The following GREM2 variants were observed in gnomAD, a reference collection of about 807,000 sequenced individuals.
GREM2 encodes gremlin 2, DAN family BMP antagonist, also known as gremlin-2.
Under a neutral mutation model 14.2 loss-of-function variants are expected in GREM2, and 11 were observed. The ratio of observed to expected loss-of-function variants is 0.78; its 90% confidence interval spans 0.49 to 1.28. The LOEUF is 1.28. GREM2 is among the 50% of genes most tolerant of loss of function. The pLI, the probability that GREM2 is intolerant of heterozygous loss-of-function variation, is 0.00. For missense variants in GREM2, 210 were observed against 218.5 expected (o/e 0.96, Z 0.24); for synonymous variants, 98 against 97.6 (o/e 1.00, Z -0.02).
chr1:240,533,663 C>A (rs2103317766), intron 1 of GREM2, among the ~76,000 whole-genome samples: 1 of 152,228 alleles, frequency 6.6e-6, no homozygotes, highest in East Asian at 1.9e-4. Context: ...AAGAAAGAAT[C>A]AACAATTGGG....
At chr1:240,535,557 T>C (rs146624140) in intron 1 of GREM2, among the ~76,000 whole-genome samples, 5,237 of 152,230 alleles carry the variant, frequency 0.034, 109 homozygotes, top group Middle Eastern at 0.082. Flanking sequence ...CCCCACATTT[T>C]GGGAGGCCGA....
chr1:240,529,379 CAT>C (rs1293581926), intron 1 of GREM2, among the ~76,000 whole-genome samples: 6 of 149,684 alleles, frequency 4.0e-5, no homozygotes, highest in Non-Finnish European at 8.9e-5. Context: ...TTTGAATGAA[CAT>C]AGAGGATAAC....
chr1:240,529,250 T>TG (rs1678296542), intron 1 of GREM2, among the ~76,000 whole-genome samples: 1 of 150,194 alleles, frequency 6.7e-6, no homozygotes, highest in Non-Finnish European at 1.5e-5. Context: ...TTTTTTTTTT[T>TG]TTTTTTTAGC....
intron 1 of GREM2, among the ~76,000 whole-genome samples, chr1:240,503,886 G>A (rs1230770586): frequency 1.3e-5 from 2 of 152,284 alleles, no homozygotes; most frequent in African/African-American, 2.4e-5. Flanking sequence ...TAAGTAATTG[G>A]AAGAGAGGGG....
intron 1 of GREM2, among the ~76,000 whole-genome samples, chr1:240,571,187 A>G (rs779637548): frequency 4.6e-5 from 7 of 152,206 alleles, no homozygotes; most frequent in Non-Finnish European, 1.0e-4. Flanking sequence ...ATTCAACTTA[A>G]AAAAGAACAT....
intron 1 of GREM2, among the ~76,000 whole-genome samples, chr1:240,514,944 CAACA>C (rs927317464): frequency 4.8e-4 from 66 of 137,742 alleles, no homozygotes; most frequent in African/African-American, 1.4e-3. Flanking sequence ...CTATCTCAAA[CAACA>C]AACAAACAAA....
At chr1:240,575,377 G>T (rs1244844649) in intron 1 of GREM2, among the ~76,000 whole-genome samples, 3 of 151,430 alleles carry the variant, frequency 2.0e-5, no homozygotes, top group Admixed American at 6.6e-5. Flanking sequence ...CAAGAATCAG[G>T]CAAGTAAAGC....
chr1:240,571,485 G>A (rs1679259936), intron 1 of GREM2, among the ~76,000 whole-genome samples: 1 of 152,116 alleles, frequency 6.6e-6, no homozygotes, highest in African/African-American at 2.4e-5. Flanking sequence ...CCTGAGGTCA[G>A]GAGTTCGAGA....
In GREM2 at chr1:240,493,258, C is replaced by T; in HGVS notation, c.218G>A (p.Cys73Tyr). The change falls in exon 2 of 2, where the codon TGC becomes TAC. Residue 73 changes from cysteine (C) to tyrosine (Y), a missense_variant. By Grantham distance (194) the Cys-to-Tyr change is radical. Coordinates refer to ENST00000318160, the MANE Select transcript of GREM2 (RefSeq NM_022469.4). ...TERKYLKSDW[C>Y]KTQPLRQTVS... ...CGTCTGCCGCAGCGGCTGCGTCTTG[C>T]ACCAGTCACTCTTGAGGTACTTGCG... The T allele has an allele frequency of 1.2e-6, 2 of 1,614,080 alleles. No homozygotes were observed. The highest frequency in any genetic ancestry group is 1.7e-6 in the Non-Finnish European group (2 of 1,180,014).
intron 1 of GREM2, among the ~76,000 whole-genome samples, chr1:240,514,662 G>T (rs139316939): frequency 6.6e-6 from 1 of 152,190 alleles, no homozygotes; most frequent in Non-Finnish European, 1.5e-5. Context: ...ACTTCAAGAC[G>T]CCAAGGCAGG....
chr1:240,548,001 C>T (rs953559694), intron 1 of GREM2, among the ~76,000 whole-genome samples: 18 of 152,054 alleles, frequency 1.2e-4, no homozygotes, highest in African/African-American at 4.3e-4. Context: ...GTGGCTCACA[C>T]CTGTAATCCC....
intron 1 of GREM2, among the ~76,000 whole-genome samples, chr1:240,582,701 GC>G (rs1679513978): frequency 6.6e-6 from 1 of 151,654 alleles, no homozygotes; most frequent in East Asian, 2.0e-4. Context: ...GGAGGCTGAG[GC>G]AGGAAAATCG....
intron 1 of GREM2, among the ~76,000 whole-genome samples, chr1:240,557,801 A>G (rs1302200487): frequency 6.6e-6 from 1 of 152,086 alleles, no homozygotes; most frequent in Non-Finnish European, 1.5e-5. Flanking sequence ...CTGCCTGGAG[A>G]GCAACCACCC....
At chr1:240,571,885 A>T (rs1296656307) in intron 1 of GREM2, among the ~76,000 whole-genome samples, 11 of 152,138 alleles carry the variant, frequency 7.2e-5, no homozygotes, top group Non-Finnish European at 1.0e-4. Context: ...AGCACCAAGG[A>T]AATAAAGAAG....
chr1:240,502,843 G>A (rs1012041741), intron 1 of GREM2, among the ~76,000 whole-genome samples: 9 of 152,158 alleles, frequency 5.9e-5, no homozygotes, highest in African/African-American at 2.2e-4. Flanking sequence ...TCTACACACC[G>A]TGGAGTTGAA....
intron 1 of GREM2, among the ~76,000 whole-genome samples, chr1:240,524,926 T>C (rs1405991317): frequency 6.6e-6 from 1 of 152,150 alleles, no homozygotes; most frequent in African/African-American, 2.4e-5. Flanking sequence ...GCCCAGGGGC[T>C]TTGGGGTCAG....
At chr1:240,574,670 G>A (rs1385969844) in intron 1 of GREM2, among the ~76,000 whole-genome samples, 6 of 151,866 alleles carry the variant, frequency 4.0e-5, no homozygotes, top group Non-Finnish European at 8.8e-5. Flanking sequence ...TGTCGAGGGT[G>A]TGGAAGAAGA....
intron 1 of GREM2, among the ~76,000 whole-genome samples, chr1:240,507,433 C>T (rs897150590): frequency 1.4e-4 from 21 of 152,046 alleles, no homozygotes; most frequent in African/African-American, 3.6e-4. Context: ...TGGGTTCAAG[C>T]GATTCTCCTG....
At chr1:240,551,084 T>C (rs140977867) in intron 1 of GREM2, among the ~76,000 whole-genome samples, 32 of 152,324 alleles carry the variant, frequency 2.1e-4, no homozygotes, top group African/African-American at 7.2e-4. Context: ...TGTTTTATTC[T>C]GAAATTGAGC....
Sources: gnomAD v4.1 joint callset for allele counts (sites outside exome capture counted in the v4.1 genomes callset) on GRCh38, gnomAD v4.1.1 for gene constraint, MANE v1.5 for transcripts, NCBI Gene and HGNC (gene_info 2026-07-23, HGNC 2026-07-21) for gene names.